C1QTNF2: variants seen among roughly 807,000 people sequenced by gnomAD.
C1QTNF2 encodes complement C1q tumor necrosis factor-related protein 2.
C1QTNF2 carries 15 observed loss-of-function variants against 17.4 expected under a neutral mutation model. The observed-to-expected ratio is 0.86, with a 90% CI of 0.58 to 1.33. The LOEUF (loss-of-function observed/expected upper bound fraction) is 1.33. Among genes scored for constraint, C1QTNF2 ranks in the 40% most tolerant of loss-of-function variants. The probability of loss-of-function intolerance (pLI) is 0.00; values close to 1 mark genes in which losing one functional copy is unlikely to be tolerated. For synonymous variants in C1QTNF2, 154 were observed against 163.3 expected (o/e 0.94, Z 0.44); for missense variants, 381 against 392.3 (o/e 0.97, Z 0.24).
chr5:160,365,587 A>C (rs1764233958), intron 1 of C1QTNF2, among the ~76,000 whole-genome samples: 1 of 151,976 alleles, frequency 6.6e-6, no homozygotes, highest in Non-Finnish European at 1.5e-5. Flanking sequence ...CGCCATCTCT[A>C]CAAAGAAAAA....
In C1QTNF2 at chr5:160,349,411, G is replaced by C. The variant is rs765888769; in HGVS notation, c.615C>G (p.Asn205Lys). 3 of 1,614,080 alleles carry C rather than the reference G, an allele frequency of 1.9e-6. No individual in the cohort carries two copies. The highest frequency in any genetic ancestry group is 3.3e-5 in the Admixed American group (2 of 60,030). The stretch of plus-strand genomic sequence containing the variant: ...GCACCAGGCCGATGGCCAGGTGCTT[G>C]TTGGCCAGCGTGATGTCGTAGGTGA... ...YYFTYDITLA[N>K]KHLAIGLVHN... The change falls in exon 3 of 3, where the codon AAC becomes AAG. Residue 205 changes from asparagine (N) to lysine (K), a missense_variant. Asn to Lys is a moderately conservative substitution (Grantham distance 94, BLOSUM62 0). Coordinates refer to ENST00000652664, the MANE Select transcript of C1QTNF2 (RefSeq NM_031908.6). This position sits in a 1 kb window ranked among gnomAD's most constrained non-coding sequence, Gnocchi z 4.3.
chr5:160,362,314 C>G (rs12519455), intron 1 of C1QTNF2, among the ~76,000 whole-genome samples: 73,735 of 151,994 alleles, frequency 0.49, 17,965 homozygotes, highest in Middle Eastern at 0.55. Flanking sequence ...CACGACAGCT[C>G]CGAGAACACC....
chr5:160,353,396 C>A (rs552574700), intron 2 of C1QTNF2, among the ~76,000 whole-genome samples: 2 of 152,250 alleles, frequency 1.3e-5, no homozygotes, highest in Admixed American at 6.5e-5. Flanking sequence ...TCGCCGTCTG[C>A]CTGGCATCCC....
chr5:160,354,857 C>T lies in C1QTNF2; in HGVS notation c.155G>A (p.Gly52Glu), dbSNP rs1220343907. The part of the protein sequence containing the change: ...QGPPGPPGAP[G>E]PSGMMGRMGF... The stretch of plus-strand genomic sequence containing the variant: ...CATTCGTCCCATCATTCCTGAGGGC[C>T]CTGGGGCTCCTGGGGGGCCGGGTGG... The change falls in exon 2 of 3, where the codon GGG becomes GAG. Residue 52 changes from glycine to glutamate, a missense_variant. By Grantham distance (98) the Gly-to-Glu change is moderately conservative (BLOSUM62 -2). Transcript: ENST00000652664. 14 of 1,609,604 alleles carry T rather than the reference C, an allele frequency of 8.7e-6. No individual in the cohort carries two copies. Among genetic ancestry groups the T allele is most frequent in the East Asian group, 2.2e-5 (1 of 44,750 alleles).
intron 1 of C1QTNF2, among the ~76,000 whole-genome samples, chr5:160,362,296 AC>A (rs985373361): frequency 1.3e-5 from 2 of 152,136 alleles, no homozygotes; most frequent in Non-Finnish European, 2.9e-5. Context: ...TCACACACCC[AC>A]CAGTGCCACG....
In C1QTNF2 at chr5:160,370,593, G is replaced by A; in HGVS notation, c.-91C>T. 4.1e-6 allele frequency: 6 copies of A among 1,450,552 alleles called. No homozygotes were observed. The highest frequency in any genetic ancestry group is 1.5e-5 in the South Asian group (1 of 67,804). 89.9% of individuals were successfully genotyped at this position (1,450,552 alleles called of 1,614,324 possible). ...GCTCCGCGTCCCGGCTTTCCTCAGC[G>A]GCAGCAGCCGGGCAGAGCGTCGGCC... On this transcript the variant is annotated 5_prime_UTR_variant, in exon 1 of 3. Transcript: ENST00000652664.
In C1QTNF2 at chr5:160,358,751, C is replaced by T. The variant is rs79344375; in HGVS notation, c.-9-3731G>A. 1.4e-3 allele frequency among the ~76,000 whole-genome samples: 212 copies of T among 152,182 alleles called. 2 individuals carry two copies. The highest frequency in any genetic ancestry group is 4.8e-3 in the African/African-American group (200 of 41,496). ...AGGCAGAAGCAAACTGACCTTATTA[C>T]GCACCTACAATGTTCCAGGCACTGT... On this transcript the variant is annotated intron_variant, in intron 1 of 2. Coordinates refer to ENST00000652664, the MANE Select transcript of C1QTNF2 (RefSeq NM_031908.6).
At chr5:160,357,350 G>A (rs1338955948) in intron 1 of C1QTNF2, among the ~76,000 whole-genome samples, 4 of 152,184 alleles carry the variant, frequency 2.6e-5, no homozygotes, top group African/African-American at 9.7e-5. Context: ...CAAAAATAAG[G>A]ATGCAGTTTG....
intron 1 of C1QTNF2, among the ~76,000 whole-genome samples, chr5:160,366,563 A>G (rs1764251382): frequency 1.3e-5 from 2 of 152,160 alleles, no homozygotes; most frequent in African/African-American, 4.8e-5. Flanking sequence ...ACATTTGCAA[A>G]CTTTGGCATC....
At chr5:160,359,588 G>A (rs531934538) in intron 1 of C1QTNF2, among the ~76,000 whole-genome samples, 2 of 152,274 alleles carry the variant, frequency 1.3e-5, no homozygotes, top group East Asian at 1.9e-4. Flanking sequence ...CTTTGAAAAC[G>A]TACAAGTGAT....
chr5:160,368,138 T>G (rs1357811194), intron 1 of C1QTNF2, among the ~76,000 whole-genome samples: 1 of 152,162 alleles, frequency 6.6e-6, no homozygotes, highest in African/African-American at 2.4e-5. Context: ...TATGCGCATG[T>G]GTATGTGTGT....
In C1QTNF2 at chr5:160,354,756, T is replaced by C. The variant is rs1764008722; in HGVS notation, c.244+12A>G. The C allele has an allele frequency of 6.2e-7, 1 of 1,613,460 alleles. No individual in the cohort carries two copies. The highest frequency in any genetic ancestry group is 8.5e-7 in the Non-Finnish European group (1 of 1,179,910). On this transcript the variant is annotated intron_variant, in intron 2 of 2. Transcript: ENST00000652664. ...CAGGTGGGAACGAGAGTGGCACGTATAGGCCTCTTACCTTCCTCTCCGCTG... is the reference window on the plus strand; with the variant it reads ...CAGGTGGGAACGAGAGTGGCACGTACAGGCCTCTTACCTTCCTCTCCGCTG...
rs188814220 is a variant in C1QTNF2 at position 160,353,992 on chromosome 5, A to G, written c.244+776T>C. On this transcript the variant is annotated intron_variant, in intron 2 of 2. Transcript: ENST00000652664. ...CTAATTTTTTGTATTTTTAGTAGAG[A>G]TGGGGTTTTGCCATGTTGGCCTGGC... Among the ~76,000 whole-genome samples, 1,137 of 151,576 alleles carry G rather than the reference A, an allele frequency of 7.5e-3. 14 individuals are homozygous for G. Among genetic ancestry groups the G allele is most frequent in the African/African-American group, 0.025 (1,052 of 41,310 alleles).
intron 1 of C1QTNF2, among the ~76,000 whole-genome samples, chr5:160,365,509 C>T (rs1764230667): frequency 6.6e-6 from 1 of 151,894 alleles, no homozygotes; most frequent in Non-Finnish European, 1.5e-5. Flanking sequence ...GACAGGAGTT[C>T]GAGACCAGTC....
chr5:160,367,369 T>A (rs1263686475), intron 1 of C1QTNF2, among the ~76,000 whole-genome samples: 5 of 152,186 alleles, frequency 3.3e-5, no homozygotes. Flanking sequence ...CTGACTTGTG[T>A]CTCCCCAGAA....
At position 160,349,570 on chromosome 5, in the gene C1QTNF2, G is replaced by C. The variant is rs1248093309; in HGVS notation, c.456C>G (p.Phe152Leu). ...SCGSGHTKSA[F>L]SVAVTKSYPR... ...GGTAGCTCTTGGTCACTGCCACCGAGAAAGCTGACTTGGTATGGCCACTGC... is the reference window on the plus strand; with the variant it reads ...GGTAGCTCTTGGTCACTGCCACCGACAAAGCTGACTTGGTATGGCCACTGC... The change falls in exon 3 of 3, where the codon TTC (phenylalanine) becomes TTG (leucine). Residue 152 changes from phenylalanine (F) to leucine (L), a missense_variant. Physicochemically the swap from Phe to Leu is conservative, Grantham distance 22. Coordinates refer to ENST00000652664, the MANE Select transcript of C1QTNF2 (RefSeq NM_031908.6). The surrounding 1 kb of genome is among the most constrained non-coding windows in gnomAD (Gnocchi z 4.3). 1 of 1,613,664 alleles carries C rather than the reference G, an allele frequency of 6.2e-7. No homozygotes were observed. Among genetic ancestry groups the C allele is most frequent in the African/African-American group, 1.3e-5 (1 of 74,930 alleles).
At chr5:160,356,654 C>T (rs1764057104) in intron 1 of C1QTNF2, among the ~76,000 whole-genome samples, 1 of 152,204 alleles carries the variant, frequency 6.6e-6, no homozygotes, top group African/African-American at 2.4e-5. Context: ...CAGCCTGTGG[C>T]TATCCAATCA....
At chr5:160,364,643 C>T (rs754630871) in intron 1 of C1QTNF2, among the ~76,000 whole-genome samples, 18 of 152,196 alleles carry the variant, frequency 1.2e-4, no homozygotes, top group Non-Finnish European at 2.5e-4. Context: ...GTAGAGACTC[C>T]TGTAGCTTCT....
At chr5:160,364,684 AG>A (rs1295848760) in intron 1 of C1QTNF2, among the ~76,000 whole-genome samples, 23 of 152,086 alleles carry the variant, frequency 1.5e-4, no homozygotes, top group Admixed American at 1.5e-3. Flanking sequence ...TATCACTTTG[AG>A]TGATGGCTCT....
Sources: gnomAD v4.1 joint callset for allele counts (sites outside exome capture counted in the v4.1 genomes callset) on GRCh38, gnomAD v4.1.1 for gene constraint, Gnocchi (gnomAD v3.1) non-coding constraint, MANE v1.5 for transcripts, NCBI Gene and HGNC (gene_info 2026-07-23, HGNC 2026-07-21) for gene names.